The following FOXJ3 variants were observed in gnomAD, a reference collection of about 807,000 sequenced individuals.
FOXJ3 encodes the protein forkhead box protein J3.
Under a neutral mutation model 76.1 loss-of-function variants are expected in FOXJ3, and 22 were observed. The observed-to-expected ratio is 0.29, with a 90% confidence interval of 0.21 to 0.41. The LOEUF (loss-of-function observed/expected upper bound fraction) is 0.41. Among genes scored for constraint, FOXJ3 ranks in the 10% least tolerant of loss-of-function variants. The pLI is 1.00. For synonymous variants in FOXJ3, 269 were observed against 261.2 expected (o/e 1.03, Z -0.29); for missense variants, 613 against 762.1 (o/e 0.80, Z 2.30).
intron 5 of FOXJ3, among the ~76,000 whole-genome samples, chr1:42,214,425 G>A (rs1557642856): frequency 1.3e-5 from 2 of 152,170 alleles, no homozygotes; most frequent in Non-Finnish European, 1.5e-5. Flanking sequence ...GACAAAGAAA[G>A]TATCGATGAA....
rs532892026 is a variant in FOXJ3, at chr1:42,191,352, C to T, written c.1302G>A (p.Thr434=). Reference sequence around the variant, plus strand: ...GGGGTGGGGGTGCCTGATGTGTTAACGTCTGATGCTGATGGTTCGGATGGT... The same window carrying T: ...GGGGTGGGGGTGCCTGATGTGTTAATGTCTGATGCTGATGGTTCGGATGGT... ...IQHHPNHQHQ[T]LTHQAPPPPQ... Residue 434 remains threonine, a synonymous_variant, in exon 9 of 13, where the codon ACG becomes ACA. Transcript: ENST00000361346. 9 of 1,575,706 alleles carry T rather than the reference C, an allele frequency of 5.7e-6. No individual in the cohort carries two copies. The highest frequency in any genetic ancestry group is 3.4e-5 in the Admixed American group (2 of 58,156).
chr1:42,282,547 AC>A (rs1200609643), intron 2 of FOXJ3, among the ~76,000 whole-genome samples: 1 of 152,050 alleles, frequency 6.6e-6, no homozygotes, highest in Non-Finnish European at 1.5e-5. Context: ...TAAGCTTTCT[AC>A]CCTCACCTCC....
At chr1:42,313,333 G>C (rs563016953) in intron 1 of FOXJ3, among the ~76,000 whole-genome samples, 1 of 144,192 alleles carries the variant, frequency 6.9e-6, no homozygotes, top group Admixed American at 7.0e-5. Context: ...GCAAAATTCC[G>C]TCTCAAAAAA....
At chr1:42,206,240 C>G (rs343365) in intron 5 of FOXJ3, among the ~76,000 whole-genome samples, 111,341 of 152,086 alleles carry the variant, frequency 0.73, 40,962 homozygotes, top group Admixed American at 0.81. Context: ...TTCTAGATTC[C>G]TGAGAAGCTG....
chr1:42,185,157 A>G (rs1166433695), intron 11 of FOXJ3, among the ~76,000 whole-genome samples: 1 of 152,016 alleles, frequency 6.6e-6, no homozygotes, highest in African/African-American at 2.4e-5. Context: ...TCTTCTAGAA[A>G]AATTTTCCAT....
chr1:42,238,637 C>T (rs1304315498), intron 4 of FOXJ3, among the ~76,000 whole-genome samples: 1 of 152,082 alleles, frequency 6.6e-6, no homozygotes, highest in Non-Finnish European at 1.5e-5. Flanking sequence ...TGGCTCACTG[C>T]AGCCTCAACC....
At chr1:42,249,524 G>A (rs1649843026) in intron 4 of FOXJ3, among the ~76,000 whole-genome samples, 1 of 152,156 alleles carries the variant, frequency 6.6e-6, no homozygotes, top group Non-Finnish European at 1.5e-5. Flanking sequence ...AGTAAAATGA[G>A]GCAAAGTGAC....
At chr1:42,225,598 A>T (rs1647490983) in intron 5 of FOXJ3, among the ~76,000 whole-genome samples, 1 of 152,196 alleles carries the variant, frequency 6.6e-6, no homozygotes, top group Admixed American at 6.5e-5. Flanking sequence ...ACCAATATCC[A>T]GCTTAGGCCA....
chr1:42,182,515 T>C (rs190791604), intron 11 of FOXJ3, among the ~76,000 whole-genome samples: 6 of 152,240 alleles, frequency 3.9e-5, no homozygotes, highest in Admixed American at 3.9e-4. Context: ...CTCTCTTTTT[T>C]GAGACAGGGT....
At position 42,199,496 on chromosome 1, in the gene FOXJ3, A is replaced by G. The variant is rs1288498872; in HGVS notation, c.631-266T>C. Among the ~76,000 whole-genome samples the G allele has an allele frequency of 2.0e-5, 3 of 152,232 alleles. No individual in the cohort carries two copies. The East Asian group carries it at 5.8e-4, about 29-fold the overall frequency. On this transcript the variant is annotated intron_variant, in intron 6 of 12. Transcript: ENST00000361346. ...TTTACCAGGTATAATTAGCCCATAAACATTTAACAAGAGAGGAATATAACA... is the reference window on the plus strand; with the variant it reads ...TTTACCAGGTATAATTAGCCCATAAGCATTTAACAAGAGAGGAATATAACA...
chr1:42,185,415 G>A (rs1193897000), intron 11 of FOXJ3, among the ~76,000 whole-genome samples: 7 of 151,688 alleles, frequency 4.6e-5, no homozygotes, highest in East Asian at 3.9e-4. Context: ...CTGCCACCAC[G>A]CCTGGCTAAT....
intron 3 of FOXJ3, among the ~76,000 whole-genome samples, chr1:42,272,325 G>T (rs1338691795): frequency 3.3e-5 from 5 of 152,216 alleles, no homozygotes; most frequent in African/African-American, 1.2e-4. Flanking sequence ...CAAAACTAAG[G>T]AGAGTGAATG....
chr1:42,310,361 G>T (rs1219440092), intron 2 of FOXJ3, among the ~76,000 whole-genome samples: 1 of 151,836 alleles, frequency 6.6e-6, no homozygotes, highest in South Asian at 2.1e-4. Context: ...GGCCAGAATG[G>T]TCTCAATTTC....
chr1:42,309,002 A>C (rs1030339468), intron 2 of FOXJ3, among the ~76,000 whole-genome samples: 1 of 24,178 alleles, frequency 4.1e-5, no homozygotes, highest in Non-Finnish European at 1.0e-4. Flanking sequence ...GTCGTTTTAC[A>C]AAAAAAAAAA....
chr1:42,288,497 A>G (rs1020590223), intron 2 of FOXJ3, among the ~76,000 whole-genome samples: 1 of 152,178 alleles, frequency 6.6e-6, no homozygotes, highest in Non-Finnish European at 1.5e-5. Context: ...TATGGCATCA[A>G]TGCTGGCAGA....
intron 1 of FOXJ3, 46 bp from the exon 2 acceptor site, chr1:42,311,156 T>C (rs1002424533): frequency 1.5e-5 from 18 of 1,223,230 alleles, no homozygotes; most frequent in South Asian, 2.7e-5. Flanking sequence ...CAAAGTAAAT[T>C]AAACCATAAG....
At chr1:42,236,601 T>A (rs1423396504) in intron 4 of FOXJ3, among the ~76,000 whole-genome samples, 1 of 152,254 alleles carries the variant, frequency 6.6e-6, no homozygotes, top group Non-Finnish European at 1.5e-5. Context: ...TATACCTTCA[T>A]GTAACTAACA....
chr1:42,324,554 C>G, intron 1 of FOXJ3, among the ~76,000 whole-genome samples: 1 of 151,876 alleles, frequency 6.6e-6, no homozygotes, highest in East Asian at 1.9e-4. Flanking sequence ...TGTCGTTAGG[C>G]GATTTCATCA....
intron 2 of FOXJ3, among the ~76,000 whole-genome samples, chr1:42,286,343 A>G (rs1653052875): frequency 6.6e-6 from 1 of 152,196 alleles, no homozygotes; most frequent in African/African-American, 2.4e-5. Flanking sequence ...ATATATGGGA[A>G]AAGACATGGC....
Sources: gnomAD v4.1 joint callset for allele counts (sites outside exome capture counted in the v4.1 genomes callset) on GRCh38, gnomAD v4.1.1 for gene constraint, MANE v1.5 for transcripts, NCBI Gene and HGNC (gene_info 2026-07-23, HGNC 2026-07-21) for gene names.